The following PITPNC1 variants were observed in gnomAD, a reference collection of about 807,000 sequenced individuals.
PITPNC1 encodes cytoplasmic phosphatidylinositol transfer protein 1.
In PITPNC1, 18 loss-of-function variants were observed where a neutral mutation model predicts 44.7. That is an observed-to-expected ratio of 0.40 (90% CI 0.28 to 0.60). The LOEUF (loss-of-function observed/expected upper bound fraction) is 0.60, where lower values mean the gene tolerates loss of function less well. Ranked by LOEUF, PITPNC1 falls within the 20% of genes least tolerant of loss-of-function variation. PITPNC1 has a pLI of 0.39. For missense variants in PITPNC1, 290 were observed against 418.4 expected (o/e 0.69, Z 2.68); for synonymous variants, 141 against 149.6 (o/e 0.94, Z 0.42).
intron 4 of PITPNC1, among the ~76,000 whole-genome samples, chr17:67,575,388 A>G (rs2041126521): frequency 6.6e-6 from 1 of 152,178 alleles, no homozygotes; most frequent in African/African-American, 2.4e-5. Context: ...GAGGGTGTTA[A>G]TGAATAATCG....
intron 5 of PITPNC1, among the ~76,000 whole-genome samples, chr17:67,587,021 A>G (rs1371072297): frequency 6.6e-6 from 1 of 152,174 alleles, no homozygotes; most frequent in Admixed American, 6.5e-5. Flanking sequence ...CAAAATAGGG[A>G]TGATCTCAGG....
rs183864252 is a variant in PITPNC1, at chr17:67,579,206, G to T, written c.366+949G>T. Among the ~76,000 whole-genome samples the T allele has an allele frequency of 2.1e-4, 32 of 152,292 alleles. 1 individual carries two copies. The highest frequency in any genetic ancestry group is 1.8e-3 in the Admixed American group (28 of 15,304). Reference sequence around the variant, plus strand: ...TGGGTAAAACCCATCTTCTGACCTGGCTTTTACCCCCAGGCTCTTTCTGTT... The same window carrying T: ...TGGGTAAAACCCATCTTCTGACCTGTCTTTTACCCCCAGGCTCTTTCTGTT... On this transcript the variant is annotated intron_variant, in intron 5 of 8. Transcript: ENST00000581322.
At chr17:67,448,898 C>G (rs2039137966) in intron 1 of PITPNC1, among the ~76,000 whole-genome samples, 1 of 152,188 alleles carries the variant, frequency 6.6e-6, no homozygotes, top group Non-Finnish European at 1.5e-5. Context: ...TCCCCAGTAG[C>G]TGGGATAACA....
rs1406351098 is a variant in PITPNC1 at position 67,447,704 on chromosome 17, C to T, written c.48+69502C>T. 3.3e-5 allele frequency among the ~76,000 whole-genome samples: 5 copies of T among 150,014 alleles called. 1 individual carries two copies. The Admixed American group carries it at 3.4e-4, about 10-fold the overall frequency. ...TTGGTGCCTCGGACATGGTGCCATC[C>T]CTGCTTGGAGTCAGCAGAGGTCTTA... On this transcript the variant is annotated intron_variant, in intron 1 of 8. Coordinates refer to ENST00000581322, the MANE Select transcript of PITPNC1 (RefSeq NM_012417.4).
chr17:67,618,364 CAAAAAAAAAAA>C (rs11417487), intron 5 of PITPNC1, among the ~76,000 whole-genome samples: 3 of 76,864 alleles, frequency 3.9e-5, no homozygotes, highest in Admixed American at 3.9e-4. Context: ...GACTCCGTCT[CAAAAAAAAAAA>C]AAAAAAAAAA....
At chr17:67,621,163 T>C (rs186193704) in intron 5 of PITPNC1, among the ~76,000 whole-genome samples, 1 of 142,456 alleles carries the variant, frequency 7.0e-6, no homozygotes, top group Non-Finnish European at 1.6e-5. Context: ...ACTACTAGAG[T>C]ACTCTTGTCT....
chr17:67,546,398 C>G (rs2040684170), intron 2 of PITPNC1, among the ~76,000 whole-genome samples: 1 of 152,074 alleles, frequency 6.6e-6, no homozygotes, highest in African/African-American at 2.4e-5. Context: ...CTATCCTATT[C>G]TGTCCCCATC....
chr17:67,434,322 T>C (rs1447695485), intron 1 of PITPNC1, among the ~76,000 whole-genome samples: 1 of 152,192 alleles, frequency 6.6e-6, no homozygotes, highest in East Asian at 1.9e-4. Flanking sequence ...TGTGCCTCTT[T>C]TGTAAAATCT....
At chr17:67,413,253 C>T (rs557764925) in intron 1 of PITPNC1, among the ~76,000 whole-genome samples, 7 of 152,146 alleles carry the variant, frequency 4.6e-5, no homozygotes, top group Admixed American at 6.6e-5. Flanking sequence ...AGCAAACACT[C>T]TCCATGATTA....
At chr17:67,394,626 G>A (rs918876441) in intron 1 of PITPNC1, among the ~76,000 whole-genome samples, 3 of 152,102 alleles carry the variant, frequency 2.0e-5, no homozygotes, top group Non-Finnish European at 4.4e-5. Context: ...AGTTAAGGCC[G>A]GGCACGGTGG....
chr17:67,644,025 C>T (rs1270713669), intron 6 of PITPNC1, among the ~76,000 whole-genome samples: 1 of 152,168 alleles, frequency 6.6e-6, no homozygotes, highest in East Asian at 1.9e-4. Flanking sequence ...TGGGATCCTC[C>T]GCCGGCTCAG....
At chr17:67,444,565 G>T (rs756119432) in intron 1 of PITPNC1, among the ~76,000 whole-genome samples, 25 of 152,036 alleles carry the variant, frequency 1.6e-4, no homozygotes, top group Non-Finnish European at 3.4e-4. Context: ...TCCCCTGAAG[G>T]TTTGCTGAAA....
intron 5 of PITPNC1, among the ~76,000 whole-genome samples, chr17:67,620,666 G>A (rs2041817879): frequency 6.6e-6 from 1 of 152,092 alleles, no homozygotes; most frequent in South Asian, 2.1e-4. Flanking sequence ...AAGGCCTAAT[G>A]ATATTGTCCA....
chr17:67,388,953 T>A (rs1444164390), intron 1 of PITPNC1, among the ~76,000 whole-genome samples: 2 of 152,214 alleles, frequency 1.3e-5, no homozygotes, highest in African/African-American at 4.8e-5. Context: ...ACTCAGTGGC[T>A]TACAATAACA....
At chr17:67,556,044 A>T (rs1222575041) in intron 4 of PITPNC1, among the ~76,000 whole-genome samples, 1 of 152,180 alleles carries the variant, frequency 6.6e-6, no homozygotes, top group African/African-American at 2.4e-5. Context: ...GAGGGGACTT[A>T]GCCAAGGAAA....
intron 1 of PITPNC1, among the ~76,000 whole-genome samples, chr17:67,438,432 C>T (rs2038967661): frequency 6.6e-6 from 1 of 151,808 alleles, no homozygotes; most frequent in African/African-American, 2.4e-5. Flanking sequence ...TCTCCTGCCT[C>T]AGCCTCCCCA....
At chr17:67,410,591 G>C (rs957383091) in intron 1 of PITPNC1, among the ~76,000 whole-genome samples, 2 of 151,860 alleles carry the variant, frequency 1.3e-5, no homozygotes, top group Non-Finnish European at 2.9e-5. Context: ...TCGCTATGTT[G>C]CCCAGGCTGG....
At chr17:67,635,157 T>C (rs1410056318) in intron 6 of PITPNC1, among the ~76,000 whole-genome samples, 1 of 152,158 alleles carries the variant, frequency 6.6e-6, no homozygotes, top group Non-Finnish European at 1.5e-5. Flanking sequence ...TTGTTCTGGA[T>C]GGAGAATGGA....
intron 6 of PITPNC1, among the ~76,000 whole-genome samples, chr17:67,641,867 A>C (rs1003171546): frequency 1.3e-5 from 2 of 151,702 alleles, no homozygotes; most frequent in African/African-American, 4.8e-5. Flanking sequence ...TCTCCATTTG[A>C]TGGACATTTA....
Sources: gnomAD v4.1 joint callset for allele counts (sites outside exome capture counted in the v4.1 genomes callset) on GRCh38, gnomAD v4.1.1 for gene constraint, MANE v1.5 for transcripts, NCBI Gene and HGNC (gene_info 2026-07-23, HGNC 2026-07-21) for gene names.